The following GALT variants were observed in gnomAD, a reference collection of about 807,000 sequenced individuals.
GALT encodes UDP-glucose--hexose-1-phosphate uridylyltransferase.
A neutral mutation model predicts 55.4 loss-of-function variants in GALT; 42 were observed. The ratio of observed to expected loss-of-function variants is 0.76; its 90% confidence interval spans 0.59 to 0.98. The LOEUF is 0.98. GALT is among the 50% of genes least tolerant of loss of function. The probability of loss-of-function intolerance (pLI) is 0.00; values close to 1 mark genes in which losing one functional copy is unlikely to be tolerated. For synonymous variants in GALT, 154 were observed against 181.5 expected, an observed-to-expected ratio of 0.85 and a Z score of 1.22; for missense variants, 407 against 495.7, an observed-to-expected ratio of 0.82 and a Z score of 1.70.
rs1289071830 is a variant in GALT at position 34,648,297 on chromosome 9, G to GACCT, written c.565-36_565-33dup. The GACCT allele has an allele frequency of 1.2e-6, 2 of 1,613,828 alleles. No homozygotes were observed. Among genetic ancestry groups the GACCT allele is most frequent in the Non-Finnish European group, 1.7e-6 (2 of 1,180,040 alleles). ...ATGATGTGGAGGCTTGGAGGTAAAG[G>GACCT]ACCTGCCTGTTCTTCTCTGCTTTTG... On this transcript the variant is annotated intron_variant, in intron 6 of 10. Transcript: ENST00000378842. The surrounding 1 kb of genome is among the most constrained non-coding windows in gnomAD (Gnocchi z 4.9).
chr9:34,647,527 C>G lies in GALT; in HGVS notation c.288C>G (p.Asp96Glu). The change falls in exon 3 of 11, where the codon GAC becomes GAG. Residue 96 changes from aspartate (D) to glutamate (E), a missense_variant. By Grantham distance (45) the Asp-to-Glu change is conservative. Transcript: ENST00000378842. The surrounding 1 kb of genome is among the most constrained non-coding windows in gnomAD (Gnocchi z 5.6). The part of the protein sequence containing the change: ...NPQYDSTFLF[D>E]NDFPALQPDA... ...AGTACGATAGCACCTTCCTGTTTGA[C>G]AACGACTTCCCAGCTCTGCAGCCTG... 1.9e-6 allele frequency: 3 copies of G among 1,614,168 alleles called. No individual in the cohort carries two copies. The highest frequency in any genetic ancestry group is 2.5e-6 in the Non-Finnish European group (3 of 1,180,020).
In GALT at chr9:34,648,877, C is replaced by A. The variant is rs111033847; in HGVS notation, c.803C>A (p.Thr268Asn). The change falls in exon 8 of 11, where the codon ACC (threonine) becomes AAC (asparagine). Residue 268 changes from threonine (T) to asparagine (N), a missense_variant. Transcript: ENST00000378842. This position sits in a 1 kb window ranked among gnomAD's most constrained non-coding sequence, Gnocchi z 4.9. ...RRHVRRLPEL[T>N]PAERDDLASI... Reference sequence around the variant, plus strand: ...CATGTGCGGCGGCTACCTGAGCTGACCCCTGCTGAGCGTGATGGTCAGTCT... The same window carrying A: ...CATGTGCGGCGGCTACCTGAGCTGAACCCTGCTGAGCGTGATGGTCAGTCT... The A allele has an allele frequency of 1.9e-5, 31 of 1,613,140 alleles. No homozygotes were observed. The highest frequency in any genetic ancestry group is 2.7e-5 in the African/African-American group (2 of 74,910).
Position 34,648,875 on chromosome 9 carries a change from G to T in GALT, c.801G>T (p.Leu267=), listed in dbSNP as rs751444719. Reference sequence around the variant, plus strand: ...GGCATGTGCGGCGGCTACCTGAGCTGACCCCTGCTGAGCGTGATGGTCAGT... The same window carrying T: ...GGCATGTGCGGCGGCTACCTGAGCTTACCCCTGCTGAGCGTGATGGTCAGT... ...PRRHVRRLPE[L]TPAERDDLAS... The change falls in exon 8 of 11, where the codon CTG becomes CTT. Residue 267 remains leucine (L), a synonymous_variant. Coordinates refer to ENST00000378842, the MANE Select transcript of GALT (RefSeq NM_000155.4). This position sits in a 1 kb window ranked among gnomAD's most constrained non-coding sequence, Gnocchi z 4.9. 1 of 1,613,216 alleles carries T rather than the reference G, an allele frequency of 6.2e-7. No homozygotes were observed. The highest frequency in any genetic ancestry group is 1.1e-5 in the South Asian group (1 of 91,070).
Position 34,646,730 on chromosome 9 carries a change from A to C in GALT, c.26A>C (p.Gln9Pro). Residue 9 changes from glutamine (Q) to proline (P), a missense_variant, in exon 1 of 11, where the codon CAG becomes CCG. Physicochemically the swap from Gln to Pro is moderately conservative, Grantham distance 76 (BLOSUM62 -1). Transcript: ENST00000378842. MSRSGTDP[Q>P]QRQQASEADA... Reference sequence around the variant, plus strand: ...ATGTCGCGCAGTGGAACCGATCCTCAGCAACGCCAGCAGGCGTCAGAGGCG... The same window carrying C: ...ATGTCGCGCAGTGGAACCGATCCTCCGCAACGCCAGCAGGCGTCAGAGGCG... The C allele has an allele frequency of 6.2e-7, 1 of 1,613,768 alleles. No homozygotes were observed. The highest frequency in any genetic ancestry group is 1.1e-5 in the South Asian group (1 of 91,080).
rs1821119109 is a variant in GALT at position 34,647,018 on chromosome 9, G to T, written c.83-71G>T. ...AGAGGGCGCTCCCGAGCTTGGGCCT[G>T]CTGGTGGGTGAGACCCAGGAGAGAG... On this transcript the variant is annotated intron_variant, in intron 1 of 10. Transcript: ENST00000378842. This position sits in a 1 kb window ranked among gnomAD's most constrained non-coding sequence, Gnocchi z 5.6. 1.2e-6 allele frequency: 2 copies of T among 1,610,838 alleles called. No homozygotes were observed. The highest frequency in any genetic ancestry group is 1.7e-6 in the Non-Finnish European group (2 of 1,178,102).
Position 34,648,998 on chromosome 9 carries a change from A to G in GALT, c.821A>G (p.Asp274Gly). 1 of 1,614,066 alleles carries G rather than the reference A, an allele frequency of 6.2e-7. No homozygotes were observed. The highest frequency in any genetic ancestry group is 1.1e-5 in the South Asian group (1 of 91,082). Reference sequence around the variant, plus strand: ...GCTGAGAGTCAGGCTCTGATTCCAGATCTAGCCTCCATCATGAAGAAGCTC... The same window carrying G: ...GCTGAGAGTCAGGCTCTGATTCCAGGTCTAGCCTCCATCATGAAGAAGCTC... The part of the protein sequence containing the change: ...LPELTPAERD[D>G]LASIMKKLLT... The change falls in exon 9 of 11, where the codon GAT (aspartate) becomes GGT (glycine). Residue 274 changes from aspartate to glycine, a missense_variant and splice_region_variant. By Grantham distance (94) the Asp-to-Gly change is moderately conservative. Transcript: ENST00000378842. This position sits in a 1 kb window ranked among gnomAD's most constrained non-coding sequence, Gnocchi z 4.9.
rs1214564855 is a variant in GALT, at chr9:34,647,028, G to A, written c.83-61G>A. ...CCCGAGCTTGGGCCTGCTGGTGGGT[G>A]AGACCCAGGAGAGAGGGAGCTAGAG... On this transcript the variant is annotated intron_variant, in intron 1 of 10. Coordinates refer to ENST00000378842, the MANE Select transcript of GALT (RefSeq NM_000155.4). This position sits in a 1 kb window ranked among gnomAD's most constrained non-coding sequence, Gnocchi z 5.6. The A allele has an allele frequency of 1.2e-6, 2 of 1,611,750 alleles. No homozygotes were observed. Among genetic ancestry groups the A allele is most frequent in the Non-Finnish European group, 1.7e-6 (2 of 1,178,686 alleles).
Position 34,648,613 on chromosome 9 carries a change from G to T in GALT, c.688-149G>T. On this transcript the variant is annotated intron_variant, in intron 7 of 10. Coordinates refer to ENST00000378842, the MANE Select transcript of GALT (RefSeq NM_000155.4). This position sits in a 1 kb window ranked among gnomAD's most constrained non-coding sequence, Gnocchi z 4.9. ...AGTAATCTAAAGGAAAGATGATGGT[G>T]ACTTAGACTCGGGTGGTTAGTGGTA... 3.4e-6 allele frequency: 5 copies of T among 1,489,392 alleles called. No individual in the cohort carries two copies. Among genetic ancestry groups the T allele is most frequent in the Non-Finnish European group, 4.7e-6 (5 of 1,074,100 alleles). 92.3% of individuals were successfully genotyped at this position (1,489,392 alleles called of 1,614,324 possible).
chr9:34,647,223 C>G lies in GALT; in HGVS notation c.217C>G (p.Pro73Ala). 6.2e-7 allele frequency: 1 copy of G among 1,614,166 alleles called. No individual in the cohort carries two copies. The highest frequency in any genetic ancestry group is 8.5e-7 in the Non-Finnish European group (1 of 1,180,018). ...AGTGCCCCGCCATGACCCTCTCAAC[C>G]CTCTGTGTCCTGGGGCCATCCGAGC... Reference protein sequence around the residue: ...KTVPRHDPLNPLCPGAIRANG... With the variant: ...KTVPRHDPLNALCPGAIRANG... The change falls in exon 2 of 11, where the codon CCT (proline) becomes GCT (alanine). Residue 73 changes from proline (P) to alanine (A), a missense_variant. Transcript: ENST00000378842. This position sits in a 1 kb window ranked among gnomAD's most constrained non-coding sequence, Gnocchi z 5.6.
chr9:34,650,648 A>C lies in GALT; in HGVS notation c.*199A>C. The C allele has an allele frequency of 1.7e-6, 1 of 587,066 alleles. No homozygotes were observed. Among genetic ancestry groups the C allele is most frequent in the Admixed American group, 3.0e-5 (1 of 33,332 alleles). 36.4% of individuals were successfully genotyped at this position (587,066 alleles called of 1,614,324 possible). ...ATCTAGGGTTAAAAGCTAAAGGCAT[A>C]GCTCCAGCTACAACTTTTCTTTGTC... On this transcript the variant is annotated 3_prime_UTR_variant, in exon 11 of 11. Transcript: ENST00000378842.
Position 34,647,105 on chromosome 9 carries a change from C to A in GALT, c.99C>A (p.Arg33=). 1 of 1,614,198 alleles carries A rather than the reference C, an allele frequency of 6.2e-7. No individual in the cohort carries two copies. Among genetic ancestry groups the A allele is most frequent in the Non-Finnish European group, 8.5e-7 (1 of 1,180,040 alleles). Residue 33 remains arginine, a synonymous_variant, in exon 2 of 11, where the codon CGC becomes CGA. Coordinates refer to ENST00000378842, the MANE Select transcript of GALT (RefSeq NM_000155.4). The surrounding 1 kb of genome is among the most constrained non-coding windows in gnomAD (Gnocchi z 5.6). ...TFRANDHQHI[R]YNPLQDEWVL... ...TGCCCCCAGACCATCAGCATATCCG[C>A]TACAACCCGCTGCAGGATGAGTGGG...
At position 34,649,510 on chromosome 9, in the gene GALT, C is replaced by G. The variant is rs1238042725; in HGVS notation, c.1005C>G (p.Phe335Leu). The G allele has an allele frequency of 6.2e-7, 1 of 1,614,198 alleles. No homozygotes were observed. The highest frequency in any genetic ancestry group is 8.5e-7 in the Non-Finnish European group (1 of 1,180,020). Residue 335 changes from phenylalanine (F) to leucine (L), a missense_variant, in exon 10 of 11, where the codon TTC becomes TTG. Phe to Leu is a conservative substitution (Grantham distance 22). Transcript: ENST00000378842. ...PLLRSATVRK[F>L]MVGYEMLAQA... Reference sequence around the variant, plus strand: ...TGCGCTCTGCCACTGTCCGGAAATTCATGGTTGGCTACGAAATGCTTGCTC... The same window carrying G: ...TGCGCTCTGCCACTGTCCGGAAATTGATGGTTGGCTACGAAATGCTTGCTC...
chr9:34,648,624 G>C lies in GALT; in HGVS notation c.688-138G>C, dbSNP rs1821171379. 1 of 1,479,750 alleles carries C rather than the reference G, an allele frequency of 6.8e-7. No individual in the cohort carries two copies. The highest frequency in any genetic ancestry group is 9.4e-7 in the Non-Finnish European group (1 of 1,065,808). The allele number at this position is 1,479,750 out of a possible 1,614,324, so 91.7% of individuals were successfully genotyped here. On this transcript the variant is annotated intron_variant, in intron 7 of 10. Transcript: ENST00000378842. The surrounding 1 kb of genome is among the most constrained non-coding windows in gnomAD (Gnocchi z 4.9). ...GGAAAGATGATGGTGACTTAGACTC[G>C]GGTGGTTAGTGGTAGAGGTGGTGAG...
intron 1 of GALT, 103 bp from the exon 2 acceptor site, chr9:34,646,986 A>G: frequency 1.2e-6 from 2 of 1,605,766 alleles, no homozygotes; most frequent in Non-Finnish European, 1.7e-6. Flanking sequence ...TGAGCGGGAC[A>G]GGGCCGAGAG....
chr9:34,648,906 A>C lies in GALT; in HGVS notation c.820+12A>C. Reference sequence around the variant, plus strand: ...TGCTGAGCGTGATGGTCAGTCTCCCAAGTAGGATCCTGGGGCTAGGCACTG... The same window carrying C: ...TGCTGAGCGTGATGGTCAGTCTCCCCAGTAGGATCCTGGGGCTAGGCACTG... On this transcript the variant is annotated intron_variant, in intron 8 of 10. Transcript: ENST00000378842. This position sits in a 1 kb window ranked among gnomAD's most constrained non-coding sequence, Gnocchi z 4.9. 6.2e-7 allele frequency: 1 copy of C among 1,613,626 alleles called. No individual in the cohort carries two copies.
chr9:34,647,325 T>C lies in GALT; in HGVS notation c.252+67T>C. 6.2e-7 allele frequency: 1 copy of C among 1,607,140 alleles called. No individual in the cohort carries two copies. Among genetic ancestry groups the C allele is most frequent in the South Asian group, 1.1e-5 (1 of 90,902 alleles). On this transcript the variant is annotated intron_variant, in intron 2 of 10. Coordinates refer to ENST00000378842, the MANE Select transcript of GALT (RefSeq NM_000155.4). This position sits in a 1 kb window ranked among gnomAD's most constrained non-coding sequence, Gnocchi z 5.6. ...GAGTAGTTCCCTCTTAGAACTGTCC[T>C]CCACCCACAGGGATAGTGAACCTCC...
chr9:34,647,210 T>C lies in GALT; in HGVS notation c.204T>C (p.His68=). ...EPQLLKTVPR[H]DPLNPLCPGA... ...AGCTTCTGAAGACAGTGCCCCGCCA[T>C]GACCCTCTCAACCCTCTGTGTCCTG... Residue 68 remains histidine, a synonymous_variant, in exon 2 of 11, where the codon CAT becomes CAC. Transcript: ENST00000378842. This position sits in a 1 kb window ranked among gnomAD's most constrained non-coding sequence, Gnocchi z 5.6. 6.2e-7 allele frequency: 1 copy of C among 1,614,170 alleles called. No homozygotes were observed. Among genetic ancestry groups the C allele is most frequent in the Middle Eastern group, 1.6e-4 (1 of 6,062 alleles).
In GALT at chr9:34,648,729, C is replaced by A; in HGVS notation, c.688-33C>A. 1 of 1,611,750 alleles carries A rather than the reference C, an allele frequency of 6.2e-7. No homozygotes were observed. The highest frequency in any genetic ancestry group is 8.5e-7 in the Non-Finnish European group (1 of 1,179,918). ...GACCACACTCCGGCTCCTATGTCAC[C>A]TTGATGACTTCCTATCCATTCTGTC... On this transcript the variant is annotated intron_variant, in intron 7 of 10. Transcript: ENST00000378842. This position sits in a 1 kb window ranked among gnomAD's most constrained non-coding sequence, Gnocchi z 4.9.
At position 34,647,247 on chromosome 9, in the gene GALT, G is replaced by A. The variant is rs111033665; in HGVS notation, c.241G>A (p.Ala81Thr). 1.2e-6 allele frequency: 2 copies of A among 1,614,116 alleles called. No homozygotes were observed. The highest frequency in any genetic ancestry group is 3.3e-4 in the Middle Eastern group (2 of 6,062). Residue 81 changes from alanine to threonine, a missense_variant, in exon 2 of 11, where the codon GCC (alanine) becomes ACC (threonine). Ala to Thr is a moderately conservative substitution (Grantham distance 58). Coordinates refer to ENST00000378842, the MANE Select transcript of GALT (RefSeq NM_000155.4). This position sits in a 1 kb window ranked among gnomAD's most constrained non-coding sequence, Gnocchi z 5.6. ...CCCTCTGTGTCCTGGGGCCATCCGA[G>A]CCAACGGAGAGGTAAGCCTGTAGAG... ...LNPLCPGAIR[A>T]NGEVNPQYDS...
Sources: allele counts gnomAD v4.1 joint callset, GRCh38; gene constraint gnomAD v4.1.1; non-coding constraint Gnocchi (gnomAD v3.1); transcripts MANE v1.5; gene names NCBI Gene and HGNC (gene_info 2026-07-23, HGNC 2026-07-21).